SDK1: variants seen among roughly 807,000 people sequenced by gnomAD.
SDK1 encodes the protein protein sidekick-1.
SDK1 carries 157 observed loss-of-function variants against 245.5 expected under a neutral mutation model. That is an observed-to-expected ratio of 0.64 (90% CI 0.56 to 0.73). SDK1 has a LOEUF of 0.73. SDK1 is among the 30% of genes least tolerant of loss of function. The pLI, the probability that SDK1 is intolerant of heterozygous loss-of-function variation, is 0.00. For missense variants in SDK1, 3,583 were observed against 3,002.3 expected (o/e 1.19, Z -4.52); for synonymous variants, 1,647 against 1,278.5 (o/e 1.29, Z -6.15).
At chr7:3,527,250 G>T (rs1231432003) in intron 1 of SDK1, among the ~76,000 whole-genome samples, 4 of 152,200 alleles carry the variant, frequency 2.6e-5, no homozygotes, top group African/African-American at 7.2e-5. Flanking sequence ...TAAATAAGAT[G>T]CCATATACAA....
At chr7:3,658,459 C>G (rs1783255936) in intron 4 of SDK1, among the ~76,000 whole-genome samples, 1 of 151,022 alleles carries the variant, frequency 6.6e-6, no homozygotes, top group South Asian at 2.1e-4. Context: ...ATACAGCCAT[C>G]TTTTAGTTCA....
intron 5 of SDK1, among the ~76,000 whole-genome samples, chr7:3,857,679 C>A (rs1183367409): frequency 7.2e-6 from 1 of 138,034 alleles, no homozygotes; most frequent in East Asian, 2.4e-4. Context: ...AGAGTAAGAC[C>A]CTGTCTCAAA....
intron 1 of SDK1, among the ~76,000 whole-genome samples, chr7:3,495,811 C>T (rs775139094): frequency 4.6e-5 from 7 of 152,222 alleles, no homozygotes; most frequent in Non-Finnish European, 1.0e-4. Flanking sequence ...TTTGCACGAG[C>T]TGGTCCCGTG....
intron 4 of SDK1, among the ~76,000 whole-genome samples, chr7:3,710,715 G>C (rs1369431562): frequency 1.3e-5 from 2 of 152,218 alleles, no homozygotes; most frequent in Non-Finnish European, 2.9e-5. Context: ...GGGGCTCCTG[G>C]ATGATTGGGA....
intron 1 of SDK1, among the ~76,000 whole-genome samples, chr7:3,573,569 C>T (rs941514914): frequency 2.0e-5 from 3 of 152,042 alleles, no homozygotes; most frequent in Non-Finnish European, 4.4e-5. Flanking sequence ...ACAGTCTTCT[C>T]AGTCACACCC....
At chr7:4,140,150 C>T (rs1255989808) in intron 28 of SDK1, among the ~76,000 whole-genome samples, 1 of 152,178 alleles carries the variant, frequency 6.6e-6, no homozygotes, top group Admixed American at 6.5e-5. Flanking sequence ...GCTGCTCCTG[C>T]AGGCCTTCTC....
chr7:3,718,519 CTCAATAAATAAATAAATAAA>C (rs1254393370), intron 4 of SDK1, among the ~76,000 whole-genome samples: 8 of 131,726 alleles, frequency 6.1e-5, no homozygotes, highest in African/African-American at 1.4e-4. Flanking sequence ...AAAACTGTAT[CTCAATAAATAAATAAATAAA>C]TAAATAAATA....
intron 14 of SDK1, among the ~76,000 whole-genome samples, chr7:3,994,460 A>T (rs980934275): frequency 6.6e-6 from 1 of 152,094 alleles, no homozygotes; most frequent in African/African-American, 2.4e-5. Flanking sequence ...TGGGCAACAT[A>T]GCAAGACCCC....
At chr7:3,923,492 G>C (rs960125531) in intron 5 of SDK1, among the ~76,000 whole-genome samples, 38 of 152,186 alleles carry the variant, frequency 2.5e-4, no homozygotes, top group African/African-American at 8.4e-4. Flanking sequence ...GTGTGCTCAA[G>C]AGGTTCTCTC....
chr7:3,460,190 C>G (rs189591452), intron 1 of SDK1, among the ~76,000 whole-genome samples: 8 of 152,234 alleles, frequency 5.3e-5, no homozygotes, highest in Admixed American at 3.9e-4. Context: ...CTAAATTTCC[C>G]TCAGCCAAGT....
At chr7:3,406,527 G>A (rs1779060118) in intron 1 of SDK1, among the ~76,000 whole-genome samples, 1 of 152,232 alleles carries the variant, frequency 6.6e-6, no homozygotes, top group Non-Finnish European at 1.5e-5. Context: ...CCAACTGTGG[G>A]CCAGTTCGTT....
At chr7:3,571,435 C>A (rs1018893384) in intron 1 of SDK1, among the ~76,000 whole-genome samples, 1 of 151,780 alleles carries the variant, frequency 6.6e-6, no homozygotes. Flanking sequence ...CCCAAGTAGC[C>A]GGAACTACAG....
At chr7:3,503,999 A>C (rs1782304693) in intron 1 of SDK1, among the ~76,000 whole-genome samples, 1 of 151,722 alleles carries the variant, frequency 6.6e-6, no homozygotes, top group African/African-American at 2.4e-5. Context: ...AAAATACAAA[A>C]ATTAGCCGGG....
intron 35 of SDK1, among the ~76,000 whole-genome samples, chr7:4,198,249 C>G (rs999340223): frequency 6.6e-6 from 1 of 152,194 alleles, no homozygotes; most frequent in South Asian, 2.1e-4. Context: ...CATCACACAC[C>G]CCCCTCATTT....
intron 25 of SDK1, among the ~76,000 whole-genome samples, chr7:4,120,397 C>A (rs979394861): frequency 1.3e-5 from 2 of 148,610 alleles, no homozygotes; most frequent in African/African-American, 4.9e-5. Context: ...ATCACAAAGG[C>A]AAGACCATTT....
chr7:4,232,397 C>CTTTTTT (rs1785838734), intron 40 of SDK1, among the ~76,000 whole-genome samples: 4 of 73,902 alleles, frequency 5.4e-5, no homozygotes, highest in Non-Finnish European at 8.5e-5. Flanking sequence ...TTTTTCTTTT[C>CTTTTTT]TTTTCTTTTC....
intron 22 of SDK1, among the ~76,000 whole-genome samples, chr7:4,099,596 A>G (rs1366794902): frequency 8.6e-6 from 1 of 116,360 alleles, no homozygotes; most frequent in Non-Finnish European, 1.8e-5. Context: ...CTAGGTACAA[A>G]AGGTACTACC....
intron 1 of SDK1, among the ~76,000 whole-genome samples, chr7:3,305,386 C>G (rs1021007037): frequency 2.0e-5 from 3 of 152,144 alleles, no homozygotes; most frequent in African/African-American, 7.2e-5. Flanking sequence ...CACTCAATTT[C>G]TCTGTCATCC....
chr7:3,812,415 T>C (rs1779407552), intron 4 of SDK1, among the ~76,000 whole-genome samples: 1 of 152,204 alleles, frequency 6.6e-6, no homozygotes, highest in South Asian at 2.1e-4. Flanking sequence ...GGAGTTACCA[T>C]TTTAGAAATT....
Sources: gnomAD v4.1 joint callset for allele counts (sites outside exome capture counted in the v4.1 genomes callset) on GRCh38, gnomAD v4.1.1 for gene constraint, MANE v1.5 for transcripts, NCBI Gene and HGNC (gene_info 2026-07-23, HGNC 2026-07-21) for gene names.